RBFOX1: variants seen among roughly 807,000 people sequenced by gnomAD.
RBFOX1 encodes the protein RNA binding fox-1 homolog 1.
A neutral mutation model predicts 57.7 loss-of-function variants in RBFOX1; 8 were observed. The observed-to-expected ratio is 0.14, with a 90% CI of 0.08 to 0.25. The LOEUF (loss-of-function observed/expected upper bound fraction) is 0.25, where lower values mean the gene tolerates loss of function less well. Ranked by LOEUF, RBFOX1 falls within the 10% of genes least tolerant of loss-of-function variation. The pLI, the probability that RBFOX1 is intolerant of heterozygous loss-of-function variation, is 1.00. For synonymous variants in RBFOX1, 326 were observed against 222.4 expected (o/e 1.47, Z -4.15); for missense variants, 611 against 548.5 (o/e 1.11, Z -1.14).
intron 2 of RBFOX1, among the ~76,000 whole-genome samples, chr16:6,413,319 C>CAAA (rs34475437): frequency 1.7e-5 from 2 of 114,392 alleles, no homozygotes; most frequent in African/African-American, 3.3e-5. Flanking sequence ...AACTACATCT[C>CAAA]AAAAAAAAAA....
intron 1 of RBFOX1, among the ~76,000 whole-genome samples, chr16:6,225,662 C>G (rs189875270): frequency 7.9e-5 from 12 of 152,234 alleles, no homozygotes; most frequent in Admixed American, 7.2e-4. Flanking sequence ...ACCAAATTTG[C>G]ATAATTTAGG....
rs973320738 is a variant in RBFOX1 at position 6,859,246 on chromosome 16, T to C, written c.-15-192811T>C. Reference sequence around the variant, plus strand: ...GTTCCTCAATCCAATAAGAACATGATTCTGACTCTTTATAAAAATGACTCC... The same window carrying C: ...GTTCCTCAATCCAATAAGAACATGACTCTGACTCTTTATAAAAATGACTCC... On this transcript the variant is annotated intron_variant, in intron 3 of 15. Coordinates refer to ENST00000550418, the MANE Select transcript of RBFOX1 (RefSeq NM_018723.4). Among the ~76,000 whole-genome samples the C allele has an allele frequency of 4.7e-5, 7 of 147,836 alleles. 1 individual carries two copies. Among genetic ancestry groups the C allele is most frequent in the Non-Finnish European group, 7.4e-5 (5 of 67,462 alleles).
At chr16:6,325,971 T>C (rs1331016760) in intron 2 of RBFOX1, among the ~76,000 whole-genome samples, 3 of 152,178 alleles carry the variant, frequency 2.0e-5, no homozygotes, top group African/African-American at 7.2e-5. Flanking sequence ...TTTAAAATAA[T>C]TATGTGCTGA....
At chr16:6,970,404 G>A (rs1303639884) in intron 3 of RBFOX1, among the ~76,000 whole-genome samples, 1 of 152,094 alleles carries the variant, frequency 6.6e-6, no homozygotes, top group Admixed American at 6.6e-5. Context: ...ATGTTTCACT[G>A]ACTTAGTCTG....
chr16:5,660,158 T>A (rs2049598127), intron 3 of RBFOX1, among the ~76,000 whole-genome samples: 1 of 152,172 alleles, frequency 6.6e-6, no homozygotes, highest in Non-Finnish European at 1.5e-5. Flanking sequence ...TCAGGTTGAC[T>A]GGGGGACCTG....
chr16:6,336,846 C>T (rs941066528), intron 2 of RBFOX1, among the ~76,000 whole-genome samples: 6 of 152,162 alleles, frequency 3.9e-5, no homozygotes, highest in Admixed American at 2.6e-4. Context: ...TGAGTGAAAA[C>T]GATCCATGAC....
At chr16:6,545,570 C>T (rs916397926) in intron 2 of RBFOX1, among the ~76,000 whole-genome samples, 3 of 152,168 alleles carry the variant, frequency 2.0e-5, no homozygotes, top group African/African-American at 4.8e-5. Flanking sequence ...TCTGCAGAAA[C>T]GCAATTCCCA....
At chr16:5,482,667 A>T (rs1156489011) in intron 2 of RBFOX1, among the ~76,000 whole-genome samples, 1 of 152,200 alleles carries the variant, frequency 6.6e-6, no homozygotes, top group Non-Finnish European at 1.5e-5. Context: ...GATGCCTGCT[A>T]GGGGCATGAG....
At chr16:6,670,827 C>G (rs755748026) in intron 3 of RBFOX1, among the ~76,000 whole-genome samples, 3 of 151,534 alleles carry the variant, frequency 2.0e-5, no homozygotes, top group Admixed American at 6.6e-5. Flanking sequence ...GAAACCCTGT[C>G]TCTACTAAAA....
intron 4 of RBFOX1, among the ~76,000 whole-genome samples, chr16:7,195,215 C>T (rs923484639): frequency 2.0e-5 from 3 of 152,286 alleles, no homozygotes; most frequent in Admixed American, 6.5e-5. Flanking sequence ...GACTGAGTTT[C>T]CCAGAATAGC....
intron 3 of RBFOX1, among the ~76,000 whole-genome samples, chr16:6,921,640 TATA>T (rs759017588): frequency 9.9e-4 from 75 of 75,396 alleles, no homozygotes; most frequent in African/African-American, 2.1e-3. Flanking sequence ...TATATATATA[TATA>T]TATTTTTTTT....
chr16:7,034,602 C>T (rs2043743790), intron 3 of RBFOX1, among the ~76,000 whole-genome samples: 2 of 151,884 alleles, frequency 1.3e-5, no homozygotes, highest in Non-Finnish European at 1.5e-5. Flanking sequence ...GAGAAGATCC[C>T]TGGCAATGTT....
intron 4 of RBFOX1, among the ~76,000 whole-genome samples, chr16:7,212,638 A>T (rs2091360302): frequency 1.3e-5 from 2 of 152,094 alleles, no homozygotes; most frequent in East Asian, 3.9e-4. Flanking sequence ...TTTTAGAAAA[A>T]AAACGAGAAA....
chr16:7,051,612 C>G (rs1247540300), intron 3 of RBFOX1, among the ~76,000 whole-genome samples: 1 of 152,224 alleles, frequency 6.6e-6, no homozygotes, highest in East Asian at 1.9e-4. Context: ...GGCATGACAA[C>G]TGACACTACT....
chr16:5,282,845 T>A (rs2063305215), intron 1 of RBFOX1, among the ~76,000 whole-genome samples: 3 of 152,220 alleles, frequency 2.0e-5, no homozygotes, highest in African/African-American at 4.8e-5. Flanking sequence ...AAATTCGATC[T>A]GGCTGCAGAA....
At chr16:7,080,249 T>G (rs182716520) in intron 4 of RBFOX1, among the ~76,000 whole-genome samples, 1,622 of 152,214 alleles carry the variant, frequency 0.011, 15 homozygotes, top group Non-Finnish European at 0.016. Context: ...TCATGCAGCG[T>G]GGACAGGCAA....
At chr16:7,035,142 C>A (rs1386441557) in intron 3 of RBFOX1, among the ~76,000 whole-genome samples, 1 of 151,888 alleles carries the variant, frequency 6.6e-6, no homozygotes, top group Middle Eastern at 3.2e-3. Context: ...GCCGCTGCAC[C>A]GGGCCTCTGA....
At chr16:5,313,635 G>A (rs1326249742) in intron 1 of RBFOX1, among the ~76,000 whole-genome samples, 1 of 152,118 alleles carries the variant, frequency 6.6e-6, no homozygotes, top group Non-Finnish European at 1.5e-5. Flanking sequence ...GAGGAGCAAG[G>A]CTATGTCTTA....
At chr16:7,071,599 G>C (rs961834329) in intron 4 of RBFOX1, among the ~76,000 whole-genome samples, 1 of 151,104 alleles carries the variant, frequency 6.6e-6, no homozygotes, top group Admixed American at 6.6e-5. Flanking sequence ...GTGTGTGTGT[G>C]TGTGTGTGTG....
Sources: gnomAD v4.1 joint callset for allele counts (sites outside exome capture counted in the v4.1 genomes callset) on GRCh38, gnomAD v4.1.1 for gene constraint, MANE v1.5 for transcripts, NCBI Gene and HGNC (gene_info 2026-07-23, HGNC 2026-07-21) for gene names.